NRG1: variants seen among roughly 807,000 people sequenced by gnomAD.
NRG1 encodes neuregulin 1.
NRG1 carries 18 observed loss-of-function variants against 63.8 expected under a neutral mutation model. The observed-to-expected ratio is 0.28, with a 90% CI of 0.19 to 0.42. The LOEUF (loss-of-function observed/expected upper bound fraction) is 0.42. Ranked by LOEUF, NRG1 falls within the 10% of genes least tolerant of loss-of-function variation. The pLI, the probability that NRG1 is intolerant of heterozygous loss-of-function variation, is 1.00. For missense variants in NRG1, 762 were observed against 814.7 expected (o/e 0.94, Z 0.79); for synonymous variants, 302 against 301.3 (o/e 1.00, Z -0.02).
At chr8:31,916,099 T>C (rs1833357033) in intron 1 of NRG1, among the ~76,000 whole-genome samples, 1 of 152,096 alleles carries the variant, frequency 6.6e-6, no homozygotes, top group Admixed American at 6.6e-5. Context: ...AAGAAAAAAA[T>C]AGTCCAGGAG....
At chr8:31,731,983 G>T (rs1814124349) in intron 1 of NRG1, among the ~76,000 whole-genome samples, 1 of 152,176 alleles carries the variant, frequency 6.6e-6, no homozygotes, top group Non-Finnish European at 1.5e-5. Flanking sequence ...AATGTTAGGT[G>T]CTCAGTACAT....
chr8:32,021,472 A>G (rs898089860), intron 1 of NRG1, among the ~76,000 whole-genome samples: 8 of 152,176 alleles, frequency 5.3e-5, no homozygotes, highest in African/African-American at 1.9e-4. Flanking sequence ...TTACTACCAG[A>G]AGAACAACAC....
intron 1 of NRG1, among the ~76,000 whole-genome samples, chr8:32,531,624 C>A (rs1831459414): frequency 6.6e-6 from 1 of 152,096 alleles, no homozygotes; most frequent in African/African-American, 2.4e-5. Flanking sequence ...TGCTCAAATA[C>A]CTAAAAACTT....
At chr8:32,318,032 A>G (rs569549261) in intron 1 of NRG1, among the ~76,000 whole-genome samples, 22 of 152,222 alleles carry the variant, frequency 1.4e-4, no homozygotes, top group Admixed American at 9.8e-4. Context: ...ATGCTAGAAG[A>G]CATAGATAAA....
chr8:31,788,514 A>G (rs948677583), intron 1 of NRG1, among the ~76,000 whole-genome samples: 1 of 152,082 alleles, frequency 6.6e-6, no homozygotes, highest in Non-Finnish European at 1.5e-5. Flanking sequence ...AAAGAACAGT[A>G]CCCCTCAGGA....
rs866895247 is a variant in NRG1, at chr8:31,751,294, G to A, written c.37+111863G>A. 4.1e-4 allele frequency among the ~76,000 whole-genome samples: 63 copies of A among 152,106 alleles called. No homozygotes were observed. The Middle Eastern group carries it at 0.017, about 41-fold the overall frequency. ...GTCCCAAACTCTAGGTCAGAGGGTA[G>A]GGGAGTGAAGGAAGGTTTCATTAAA... On this transcript the variant is annotated intron_variant, in intron 1 of 10. Coordinates refer to the NRG1 transcript ENST00000519301.
At chr8:31,827,446 A>C (rs1472374946) in intron 1 of NRG1, among the ~76,000 whole-genome samples, 3 of 152,102 alleles carry the variant, frequency 2.0e-5, no homozygotes, top group African/African-American at 7.2e-5. Flanking sequence ...CTACAAAGTA[A>C]TGTGGAGTTT....
intron 1 of NRG1, among the ~76,000 whole-genome samples, chr8:31,844,560 G>A (rs761978075): frequency 2.6e-5 from 4 of 152,138 alleles, no homozygotes; most frequent in African/African-American, 4.8e-5. Flanking sequence ...GAAATCCTCC[G>A]AAGGGAGCTT....
chr8:32,066,499 G>T (rs1824841450), intron 1 of NRG1, among the ~76,000 whole-genome samples: 1 of 152,036 alleles, frequency 6.6e-6, no homozygotes, highest in African/African-American at 2.4e-5. Context: ...GATAGTTGTA[G>T]ATATGCAGCA....
chr8:32,058,955 A>G (rs1823409070), intron 1 of NRG1, among the ~76,000 whole-genome samples: 3 of 152,056 alleles, frequency 2.0e-5, no homozygotes, highest in Admixed American at 1.3e-4. Context: ...CTAAAAATAC[A>G]ATCATCTTTG....
intron 1 of NRG1, among the ~76,000 whole-genome samples, chr8:32,284,491 C>G (rs771048754): frequency 8.3e-4 from 42 of 50,766 alleles, no homozygotes; most frequent in South Asian, 3.8e-3. Flanking sequence ...GCCTGCCTGC[C>G]TTCCTTCCTT....
chr8:31,688,564 T>G lies in NRG1; in HGVS notation c.37+49133T>G, dbSNP rs146608245. Among the ~76,000 whole-genome samples, 136 of 152,358 alleles carry G rather than the reference T, an allele frequency of 8.9e-4. 1 individual carries two copies. The Middle Eastern group carries it at 0.014, about 15-fold the overall frequency. ...ACATAATGAGGAAATCTGTGTGTAC[T>G]GATGAGAAAATATGTCCATCATGTC... is the stretch of plus-strand genomic sequence containing the variant. On this transcript the variant is annotated intron_variant, in intron 1 of 10. Transcript: ENST00000519301.
At chr8:31,770,004 A>C (rs1818456190) in intron 1 of NRG1, among the ~76,000 whole-genome samples, 1 of 152,106 alleles carries the variant, frequency 6.6e-6, no homozygotes, top group African/African-American at 2.4e-5. Flanking sequence ...TACTCCAGGA[A>C]ATAGGTGTTG....
intron 1 of NRG1, among the ~76,000 whole-genome samples, chr8:32,021,546 A>G (rs1044078663): frequency 6.6e-6 from 1 of 152,110 alleles, no homozygotes; most frequent in African/African-American, 2.4e-5. Flanking sequence ...CTACCTCCAC[A>G]CTGGGGATCA....
chr8:32,529,383 T>C (rs974145968), intron 1 of NRG1, among the ~76,000 whole-genome samples: 1 of 152,208 alleles, frequency 6.6e-6, no homozygotes, highest in Non-Finnish European at 1.5e-5. Flanking sequence ...TATACGGCTA[T>C]AGACTTTATA....
intron 1 of NRG1, among the ~76,000 whole-genome samples, chr8:32,077,421 C>T (rs1826757600): frequency 6.6e-6 from 1 of 152,124 alleles, no homozygotes; most frequent in African/African-American, 2.4e-5. Flanking sequence ...TATCTACTTA[C>T]CTGCATTTCT....
At chr8:31,852,453 GTTGT>G (rs1409010623) in intron 1 of NRG1, among the ~76,000 whole-genome samples, 2 of 152,124 alleles carry the variant, frequency 1.3e-5, no homozygotes, top group East Asian at 1.9e-4. Context: ...TCTTGATGGG[GTTGT>G]TTGTTTTTTT....
At chr8:31,660,553 C>T (rs531961219) in intron 1 of NRG1, among the ~76,000 whole-genome samples, 1 of 152,292 alleles carries the variant, frequency 6.6e-6, no homozygotes, top group South Asian at 2.1e-4. Flanking sequence ...CAAGGAGAGT[C>T]TTATTATTTG....
chr8:32,418,420 T>C (rs1358026677), intron 1 of NRG1, among the ~76,000 whole-genome samples: 1 of 151,906 alleles, frequency 6.6e-6, no homozygotes, highest in Non-Finnish European at 1.5e-5. Context: ...TAGAACATTG[T>C]CATTTCAACA....
Sources: gnomAD v4.1 joint callset for allele counts (sites outside exome capture counted in the v4.1 genomes callset) on GRCh38, gnomAD v4.1.1 for gene constraint, MANE v1.5 for transcripts, NCBI Gene and HGNC (gene_info 2026-07-23, HGNC 2026-07-21) for gene names.